Variants in VPS37A observed in about 807,000 individuals in gnomAD.
VPS37A encodes the protein VPS37A subunit of ESCRT-I.
A neutral mutation model predicts 49.8 loss-of-function variants in VPS37A; 30 were observed. The observed-to-expected ratio is 0.60, with a 90% CI of 0.45 to 0.82. The LOEUF (loss-of-function observed/expected upper bound fraction) is 0.82, where lower values mean the gene tolerates loss of function less well. Ranked by LOEUF, VPS37A falls within the 40% of genes least tolerant of loss-of-function variation. The pLI, the probability that VPS37A is intolerant of heterozygous loss-of-function variation, is 0.00. For synonymous variants in VPS37A, 195 were observed against 160.6 expected, an observed-to-expected ratio of 1.21 and a Z score of -1.62; for missense variants, 593 against 464.4, an observed-to-expected ratio of 1.28 and a Z score of -2.55.
chr8:17,247,166 C>G lies in VPS37A; in HGVS notation c.-79C>G. The G allele has an allele frequency of 6.5e-7, 1 of 1,543,310 alleles. No individual in the cohort carries two copies. The highest frequency in any genetic ancestry group is 8.7e-7 in the Non-Finnish European group (1 of 1,144,268). ...GACGTCCCACCCCGCTCCTCTGTCG[C>G]TGGAGAACCGCCGGGCCGAGCCACT... is the stretch of plus-strand genomic sequence containing the variant. On this transcript the variant is annotated 5_prime_UTR_variant, in exon 1 of 12. Transcript: ENST00000324849.
At chr8:17,266,816 C>G (rs1193487613) in intron 2 of VPS37A, among the ~76,000 whole-genome samples, 2 of 152,168 alleles carry the variant, frequency 1.3e-5, no homozygotes, top group Non-Finnish European at 2.9e-5. Flanking sequence ...CTCTGTCGCC[C>G]AGACTGGAGT....
downstream of VPS37A, chr8:17,305,685 A>G (rs1817402448): frequency 4.5e-6 from 6 of 1,347,786 alleles, no homozygotes; most frequent in East Asian, 2.3e-5. Context: ...AAATTATGAA[A>G]GGCCACCTAA....
chr8:17,254,231 C>T (rs867978923), intron 1 of VPS37A, among the ~76,000 whole-genome samples: 1 of 152,030 alleles, frequency 6.6e-6, no homozygotes, highest in Non-Finnish European at 1.5e-5. Flanking sequence ...ATAAGAATGA[C>T]GAGTCCTTAG....
chr8:17,247,178 CG>C lies in VPS37A; in HGVS notation c.-64del. The C allele has an allele frequency of 6.5e-7, 1 of 1,547,378 alleles. No homozygotes were observed. The highest frequency in any genetic ancestry group is 2.4e-5 in the East Asian group (1 of 40,936). On this transcript the variant is annotated 5_prime_UTR_variant, in exon 1 of 12. Transcript: ENST00000324849. ...CGCTCCTCTGTCGCTGGAGAACCGC[CG>C]GGCCGAGCCACTGGGAGAAGCAGGC...
intron 1 of VPS37A, among the ~76,000 whole-genome samples, chr8:17,257,257 T>A (rs1343294710): frequency 6.6e-6 from 1 of 152,214 alleles, no homozygotes; most frequent in Non-Finnish European, 1.5e-5. Flanking sequence ...GGTTCCTTGT[T>A]TTGCTCCATT....
At chr8:17,329,798 A>C in the VPS37A span, among the ~76,000 whole-genome samples, 2 of 152,210 alleles carry the variant, frequency 1.3e-5, no homozygotes, top group African/African-American at 2.4e-5. Context: ...ATAATCTCCA[A>C]AAGTTGAAGC....
the VPS37A span, among the ~76,000 whole-genome samples, chr8:17,327,666 A>G: frequency 6.6e-6 from 1 of 152,162 alleles, no homozygotes; most frequent in East Asian, 1.9e-4. Context: ...TCTCTAAACC[A>G]AATATATTAT....
Position 17,283,744 on chromosome 8 carries a change from T to C in VPS37A, c.970-729T>C, listed in dbSNP as rs376218393. ...GCCAGTACCACAGTTTTGATTACTG[T>C]AACTTTGTTAGTAACTTGACATGAG... On this transcript the variant is annotated intron_variant, in intron 9 of 11. Transcript: ENST00000324849. Among the ~76,000 whole-genome samples the C allele has an allele frequency of 2.6e-5, 4 of 152,344 alleles. No homozygotes were observed. In the East Asian group the frequency reaches 5.8e-4, roughly 22 times the overall value.
intron 4 of VPS37A, among the ~76,000 whole-genome samples, chr8:17,273,809 C>T (rs1451976373): frequency 2.6e-5 from 4 of 151,872 alleles, no homozygotes; most frequent in Non-Finnish European, 5.9e-5. Flanking sequence ...ACAAAATTTC[C>T]AACTCAGGTT....
downstream of VPS37A, among the ~76,000 whole-genome samples, chr8:17,301,393 T>C (rs1047314779): frequency 4.7e-4 from 71 of 152,288 alleles, 1 homozygote; most frequent in Admixed American, 3.2e-3. Flanking sequence ...TGGTGATAGC[T>C]AGTAAGCATT....
chr8:17,324,592 G>A, the VPS37A span, among the ~76,000 whole-genome samples: 1 of 152,202 alleles, frequency 6.6e-6, no homozygotes, highest in African/African-American at 2.4e-5. Context: ...CACCAGAGAG[G>A]CAAAAGCACA....
At chr8:17,287,595 A>C (rs1047429629) in intron 11 of VPS37A, among the ~76,000 whole-genome samples, 1 of 151,958 alleles carries the variant, frequency 6.6e-6, no homozygotes, top group African/African-American at 2.4e-5. Flanking sequence ...GGAGAATGGC[A>C]TGAACCTGGG....
rs556247495 is a variant in VPS37A at position 17,250,040 on chromosome 8, C to T, written c.125+2671C>T. On this transcript the variant is annotated intron_variant, in intron 1 of 11. Transcript: ENST00000324849. ...ACTTTCTACTCCTCTAGTGGACCGG[C>T]CCGGGCTCATATGGAGTGAGGGTCT... Among the ~76,000 whole-genome samples, 9 of 152,284 alleles carry T rather than the reference C, an allele frequency of 5.9e-5. No homozygotes were observed. In the East Asian group the frequency reaches 1.7e-3, roughly 29 times the overall value.
At chr8:17,284,361 T>C in intron 9 of VPS37A, 112 bp from the exon 10 acceptor site, 4 of 1,248,298 alleles carry the variant, frequency 3.2e-6, no homozygotes, top group Non-Finnish European at 4.3e-6. Context: ...AAAAAGAGGC[T>C]ATATAGGGCA....
chr8:17,300,163 T>C (rs1586123715), downstream of VPS37A: 8 of 1,614,022 alleles, frequency 5.0e-6, no homozygotes, highest in Non-Finnish European at 2.5e-6. Flanking sequence ...CTTGCTGGGC[T>C]CACTTTGCTT....
chr8:17,326,336 C>T, the VPS37A span: 1 of 152,162 alleles, frequency 6.6e-6, no homozygotes, highest in Non-Finnish European at 1.5e-5. Context: ...ATGAGGTTTA[C>T]TTGAGTAAAT....
chr8:17,300,192 A>C (rs1211114232), downstream of VPS37A: 1 of 1,612,556 alleles, frequency 6.2e-7, no homozygotes, highest in African/African-American at 1.3e-5. Flanking sequence ...CCTTAGTGCA[A>C]TTTAACTGGA....
chr8:17,270,524 G>A (rs1166212708), intron 4 of VPS37A, among the ~76,000 whole-genome samples: 1 of 152,174 alleles, frequency 6.6e-6, no homozygotes, highest in Non-Finnish European at 1.5e-5. Context: ...TTCCAACCAA[G>A]TGGAAGCTGT....
At chr8:17,305,113 C>A (rs928949138), downstream of VPS37A, among the ~76,000 whole-genome samples, 4 of 152,146 alleles carry the variant, frequency 2.6e-5, no homozygotes, top group Non-Finnish European at 5.9e-5. Flanking sequence ...TTAGAGAAAA[C>A]AAACTAGTAT....
Sources: allele counts gnomAD v4.1 joint callset (sites outside exome capture counted in the v4.1 genomes callset), GRCh38; gene constraint gnomAD v4.1.1; transcripts MANE v1.5; gene names NCBI Gene and HGNC (gene_info 2026-07-23, HGNC 2026-07-21).